Variants in ZNF827 observed in about 807,000 individuals in gnomAD.
ZNF827 encodes the protein zinc finger protein 827.
In ZNF827, 13 loss-of-function variants were observed where a neutral mutation model predicts 102.4. The observed-to-expected ratio is 0.13, with a 90% CI of 0.08 to 0.20. The LOEUF (loss-of-function observed/expected upper bound fraction) is 0.20. ZNF827 is among the 10% of genes least tolerant of loss of function. The pLI is 1.00. For synonymous variants in ZNF827, 523 were observed against 536.2 expected (o/e 0.98, Z 0.34); for missense variants, 1,103 against 1,344.4 (o/e 0.82, Z 2.81).
At chr4:145,819,104 A>G (rs1742888255) in intron 8 of ZNF827, among the ~76,000 whole-genome samples, 1 of 150,136 alleles carries the variant, frequency 6.7e-6, no homozygotes, top group African/African-American at 2.5e-5. Flanking sequence ...CAACAACGTG[A>G]GTTTTTTTTT....
chr4:145,925,599 G>A (rs1753366868), intron 1 of ZNF827, among the ~76,000 whole-genome samples: 1 of 152,100 alleles, frequency 6.6e-6, no homozygotes, highest in Non-Finnish European at 1.5e-5. Flanking sequence ...CACCAAGTGG[G>A]GGTTACAACT....
In ZNF827 at chr4:145,823,594, C is replaced by G. The variant is rs1295282014; in HGVS notation, c.2280-69G>C. The G allele has an allele frequency of 3.9e-6, 4 of 1,015,178 alleles. No homozygotes were observed. In the African/African-American group the frequency reaches 4.7e-5, roughly 12 times the overall value. The allele number at this position is 1,015,178 out of a possible 1,614,324, so 62.9% of individuals were successfully genotyped here. A position where few individuals can be genotyped will look rare whatever the true frequency, so the allele number is the denominator to read the frequency against. On this transcript the variant is annotated intron_variant, in intron 7 of 14. Transcript: ENST00000508784. ...TTTAAGACACCCAGAGCACCTGGTC[C>G]CAAATACATATATACGCAATATTAG...
intron 13 of ZNF827, chr4:145,764,587 T>G: frequency 4.7e-6 from 1 of 211,476 alleles, no homozygotes; most frequent in Non-Finnish European, 9.5e-6. Context: ...ACTTAAAGGA[T>G]ATGTAGCAAG....
At position 145,763,372 on chromosome 4, in the gene ZNF827, GAAACA is replaced by G. The variant is rs934606215; in HGVS notation, c.3231-255_3231-251del. On this transcript the variant is annotated intron_variant, in intron 13 of 14. Transcript: ENST00000508784. The surrounding 1 kb of genome is among the most constrained non-coding windows in gnomAD (Gnocchi z 4.6). ...AAATTAATTCTCTGATATGGCAAAG[GAAACA>G]AAACAAAACAAAACAAAGACTCACT... Among the ~76,000 whole-genome samples the G allele has an allele frequency of 2.6e-5, 4 of 152,148 alleles. No individual in the cohort carries two copies. The highest frequency in any genetic ancestry group is 4.4e-5 in the Non-Finnish European group (3 of 68,032).
At chr4:145,808,657 T>C (rs1360014578) in intron 8 of ZNF827, among the ~76,000 whole-genome samples, 1 of 152,256 alleles carries the variant, frequency 6.6e-6, no homozygotes, top group Non-Finnish European at 1.5e-5. Flanking sequence ...AGCACTTTGA[T>C]ACCTTAAAGA....
At position 145,763,004 on chromosome 4, in the gene ZNF827, C is replaced by T. The variant is rs1734769404; in HGVS notation, c.*17+86G>A. ...CTCGCCGTTAGCCTTTGAACCTCAG[C>T]TCACAGAAGAGTGCACACGAGAGAA... On this transcript the variant is annotated intron_variant, in intron 14 of 14. Transcript: ENST00000508784. This position sits in a 1 kb window ranked among gnomAD's most constrained non-coding sequence, Gnocchi z 4.6. 7 of 1,320,222 alleles carry T rather than the reference C, an allele frequency of 5.3e-6. No homozygotes were observed. The Admixed American group carries it at 1.3e-4, about 25-fold the overall frequency. The allele number at this position is 1,320,222 out of a possible 1,614,324, so 81.8% of individuals were successfully genotyped here. A position where few individuals can be genotyped will look rare whatever the true frequency, so the allele number is the denominator to read the frequency against.
At chr4:145,928,714 C>T (rs1302079740) in intron 1 of ZNF827, among the ~76,000 whole-genome samples, 1 of 152,154 alleles carries the variant, frequency 6.6e-6, no homozygotes, top group Admixed American at 6.5e-5. Flanking sequence ...CTTGATACTG[C>T]CATCAAATGT....
rs531372560 is a variant in ZNF827, at chr4:145,792,833, A to T, written c.2384-13322T>A. On this transcript the variant is annotated intron_variant, in intron 8 of 14. Coordinates refer to ENST00000508784, the MANE Select transcript of ZNF827 (RefSeq NM_001306215.2). ...AAAAGGAATTCAAATAAATTAAATT[A>T]AAAAATCAATGTAAAATTTTGGCTA... is the stretch of plus-strand genomic sequence containing the variant. Among the ~76,000 whole-genome samples the T allele has an allele frequency of 7.2e-5, 11 of 152,322 alleles. No homozygotes were observed. In the South Asian group the frequency reaches 8.3e-4, roughly 11 times the overall value.
At position 145,761,512 on chromosome 4, in the gene ZNF827, C is replaced by T. The variant is rs1560881496; in HGVS notation, c.*104G>A. On this transcript the variant is annotated 3_prime_UTR_variant, in exon 15 of 15. Coordinates refer to ENST00000508784, the MANE Select transcript of ZNF827 (RefSeq NM_001306215.2). The surrounding 1 kb of genome is among the most constrained non-coding windows in gnomAD (Gnocchi z 6.8). ...GTTGGCCTTCACCGTCTGGCAGATC[C>T]GGCACTTGTACTCCATCTTGTAGTG... is the stretch of plus-strand genomic sequence containing the variant. 1.6e-6 allele frequency: 2 copies of T among 1,289,744 alleles called. No homozygotes were observed. Among genetic ancestry groups the T allele is most frequent in the Admixed American group, 2.3e-5 (1 of 43,566 alleles). The allele number at this position is 1,289,744 out of a possible 1,614,324, so 79.9% of individuals were successfully genotyped here.
rs1192653454 is a variant in ZNF827 at position 145,844,972 on chromosome 4, A to ATCTT, written c.2279+980_2279+983dup. 2.6e-5 allele frequency among the ~76,000 whole-genome samples: 4 copies of ATCTT among 152,238 alleles called. No individual in the cohort carries two copies. In the East Asian group the frequency reaches 7.7e-4, roughly 29 times the overall value. On this transcript the variant is annotated intron_variant, in intron 7 of 14. Coordinates refer to ENST00000508784, the MANE Select transcript of ZNF827 (RefSeq NM_001306215.2). ...CCAGCAACTGTTCCCATCAGGAAGAATCTTTCTCTGTTTGCTCAGGAAAGC... is the reference window on the plus strand; with the variant it reads ...CCAGCAACTGTTCCCATCAGGAAGAATCTTTCTTTCTCTGTTTGCTCAGGAAAGC...
chr4:145,816,564 A>G (rs1172457470), intron 8 of ZNF827, among the ~76,000 whole-genome samples: 2 of 152,178 alleles, frequency 1.3e-5, no homozygotes, highest in African/African-American at 4.8e-5. Context: ...TTTCTCTACA[A>G]CTAGTTTCTA....
At chr4:145,869,787 T>G (rs934022611) in intron 5 of ZNF827, among the ~76,000 whole-genome samples, 1 of 152,238 alleles carries the variant, frequency 6.6e-6, no homozygotes, top group Non-Finnish European at 1.5e-5. Flanking sequence ...TGCCACTCTA[T>G]TGGTAATTAC....
chr4:145,846,134 T>G, intron 6 of ZNF827, 121 bp from the exon 7 acceptor site: 1 of 970,304 alleles, frequency 1.0e-6, no homozygotes, highest in Non-Finnish European at 1.6e-6. Flanking sequence ...TTCTTTTGAT[T>G]TCTTTTTTAA....
chr4:145,758,179 T>C lies in ZNF827; in HGVS notation c.*3437A>G, dbSNP rs1024920738. On this transcript the variant is annotated 3_prime_UTR_variant, in exon 15 of 15. Transcript: ENST00000508784. ...TTTCTCACTCAGAAAACTTTTATAA[T>C]TTACCAGAAAGATTGATGACTCTTT... 26 of 152,254 alleles carry C rather than the reference T, an allele frequency of 1.7e-4. No individual in the cohort carries two copies. Among genetic ancestry groups the C allele is most frequent in the African/African-American group, 5.5e-4 (23 of 41,552 alleles). The allele number at this position is 152,254 out of a possible 1,614,324, so 9.4% of individuals were successfully genotyped here.
At chr4:145,904,875 T>C (rs1038018388) in intron 1 of ZNF827, among the ~76,000 whole-genome samples, 1 of 152,188 alleles carries the variant, frequency 6.6e-6, no homozygotes. Context: ...ACATGACTTA[T>C]GTTGTCAAAG....
rs899057109 is a variant in ZNF827 at position 145,798,672 on chromosome 4, T to C, written c.2384-19161A>G. Among the ~76,000 whole-genome samples the C allele has an allele frequency of 2.0e-5, 3 of 152,056 alleles. No individual in the cohort carries two copies. In the South Asian group the frequency reaches 6.2e-4, roughly 32 times the overall value. ...ACAAGAATAAGATTTGTCTCAATAA[T>C]AATAATAACAACAATAATAATAATT... On this transcript the variant is annotated intron_variant, in intron 8 of 14. Coordinates refer to ENST00000508784, the MANE Select transcript of ZNF827 (RefSeq NM_001306215.2).
intron 7 of ZNF827, among the ~76,000 whole-genome samples, chr4:145,834,316 C>G (rs936593416): frequency 1.3e-5 from 2 of 152,124 alleles, no homozygotes; most frequent in Non-Finnish European, 2.9e-5. Flanking sequence ...AATCTTCCTT[C>G]TTTCCCTCCC....
At chr4:145,766,857 T>G (rs1028656784) in intron 11 of ZNF827, among the ~76,000 whole-genome samples, 5 of 152,178 alleles carry the variant, frequency 3.3e-5, no homozygotes, top group Non-Finnish European at 5.9e-5. Context: ...CTCTTAGTAG[T>G]GGGTTAAACC....
chr4:145,903,202 C>T lies in ZNF827; in HGVS notation c.57G>A (p.Gln19=), dbSNP rs1246547309. Residue 19 remains glutamine, a synonymous_variant, in exon 2 of 15, where the codon CAG becomes CAA. Transcript: ENST00000508784. ...PKRLPSHVSR[Q]EEAEGELSEG... is the part of the protein sequence containing the mutation. Reference sequence around the variant, plus strand: ...CACTGAGCTCTCCCTCCGCCTCTTCCTGCCTACTAACATCTGGGGAGAATT... The same window carrying T: ...CACTGAGCTCTCCCTCCGCCTCTTCTTGCCTACTAACATCTGGGGAGAATT... 17 of 1,609,346 alleles carry T rather than the reference C, an allele frequency of 1.1e-5. No homozygotes were observed. The highest frequency in any genetic ancestry group is 1.4e-5 in the Non-Finnish European group (17 of 1,176,628).
Sources: gnomAD v4.1 joint callset for allele counts (sites outside exome capture counted in the v4.1 genomes callset) on GRCh38, gnomAD v4.1.1 for gene constraint, Gnocchi (gnomAD v3.1) non-coding constraint, MANE v1.5 for transcripts, NCBI Gene and HGNC (gene_info 2026-07-23, HGNC 2026-07-21) for gene names.